KIF16B: variants seen among roughly 807,000 people sequenced by gnomAD.
KIF16B encodes kinesin family member 16B.
A neutral mutation model predicts 156.3 loss-of-function variants in KIF16B; 98 were observed. That is an observed-to-expected ratio of 0.63 (90% confidence interval 0.53 to 0.74). KIF16B has a LOEUF of 0.74. KIF16B is among the 30% of genes least tolerant of loss of function. The pLI, the probability that KIF16B is intolerant of heterozygous loss-of-function variation, is 0.00. For synonymous variants in KIF16B, 564 were observed against 583.7 expected, an observed-to-expected ratio of 0.97 and a Z score of 0.49; for missense variants, 1,421 against 1,606.5, an observed-to-expected ratio of 0.88 and a Z score of 1.97.
Position 16,480,830 on chromosome 20 carries a change from C to T in KIF16B, c.1302+13461G>A, listed in dbSNP as rs900080219. 2.5e-4 allele frequency among the ~76,000 whole-genome samples: 38 copies of T among 152,154 alleles called. 1 individual carries two copies. The highest frequency in any genetic ancestry group is 3.4e-3 in the Middle Eastern group (1 of 290). ...AATAGTTTTTTTTTAATTCTGTGAA[C>T]AAATAACTGCATTTAACAAAATGAA... On this transcript the variant is annotated intron_variant, in intron 12 of 25. Coordinates refer to ENST00000354981, the MANE Select transcript of KIF16B (RefSeq NM_024704.5).
chr20:16,294,544 C>T (rs1221644098), intron 25 of KIF16B, among the ~76,000 whole-genome samples: 1 of 152,182 alleles, frequency 6.6e-6, no homozygotes, highest in Non-Finnish European at 1.5e-5. Context: ...GCCCACTTAT[C>T]CACAGACTTT....
intron 24 of KIF16B, among the ~76,000 whole-genome samples, chr20:16,320,064 T>C (rs1048206694): frequency 2.6e-5 from 4 of 152,128 alleles, no homozygotes; most frequent in African/African-American, 9.7e-5. Context: ...GGGGCTGCTG[T>C]GTAACAGGGA....
chr20:16,437,579 T>C (rs2066676390), intron 12 of KIF16B, among the ~76,000 whole-genome samples: 1 of 150,682 alleles, frequency 6.6e-6, no homozygotes, highest in African/African-American at 2.4e-5. Context: ...CAGTTTCGGT[T>C]GATGGACATT....
At chr20:16,296,301 G>T (rs183931890) in intron 25 of KIF16B, among the ~76,000 whole-genome samples, 6 of 152,092 alleles carry the variant, frequency 3.9e-5, no homozygotes, top group Admixed American at 3.9e-4. Context: ...CTTCAGAGGC[G>T]ATGAGACATT....
At chr20:16,497,861 T>C (rs1440841228) in intron 10 of KIF16B, among the ~76,000 whole-genome samples, 183 bp from the exon 11 acceptor site, 2 of 152,174 alleles carry the variant, frequency 1.3e-5, no homozygotes, top group East Asian at 3.9e-4. Flanking sequence ...ACATCTCTCA[T>C]AATATTCAAA....
intron 11 of KIF16B, among the ~76,000 whole-genome samples, chr20:16,496,394 G>A (rs925825104): frequency 3.9e-5 from 6 of 152,180 alleles, no homozygotes; most frequent in Non-Finnish European, 8.8e-5. Context: ...GCATGCCTTG[G>A]ATTTATTTTA....
intron 22 of KIF16B, among the ~76,000 whole-genome samples, chr20:16,363,209 ACT>A (rs1321713458): frequency 6.6e-6 from 1 of 152,146 alleles, no homozygotes; most frequent in Non-Finnish European, 1.5e-5. Flanking sequence ...GGATGAACAG[ACT>A]CTGCAGATGG....
At chr20:16,502,732 A>G (rs1351460074) in intron 10 of KIF16B, among the ~76,000 whole-genome samples, 2 of 152,198 alleles carry the variant, frequency 1.3e-5, no homozygotes, top group Admixed American at 1.3e-4. Context: ...ATTCCTTCCA[A>G]TGATGTCCTC....
At chr20:16,286,961 C>A (rs888730050) in intron 25 of KIF16B, among the ~76,000 whole-genome samples, 1 of 152,340 alleles carries the variant, frequency 6.6e-6, no homozygotes. Context: ...GAGTCATGAT[C>A]AAAATGCAGG....
At chr20:16,326,869 C>A (rs1319666018) in intron 24 of KIF16B, among the ~76,000 whole-genome samples, 2 of 151,788 alleles carry the variant, frequency 1.3e-5, no homozygotes, top group African/African-American at 4.8e-5. Flanking sequence ...AAGACACTTG[C>A]ACACACATGT....
intron 22 of KIF16B, among the ~76,000 whole-genome samples, chr20:16,362,453 T>C (rs1226319160): frequency 6.6e-6 from 1 of 152,166 alleles, no homozygotes; most frequent in Non-Finnish European, 1.5e-5. Context: ...CAACAACTCA[T>C]ACAGACAGAA....
chr20:16,463,406 G>A (rs542589019), intron 12 of KIF16B, among the ~76,000 whole-genome samples: 1 of 152,126 alleles, frequency 6.6e-6, no homozygotes, highest in Non-Finnish European at 1.5e-5. Context: ...AAGTATCCTA[G>A]CATTAGAAAA....
intron 23 of KIF16B, among the ~76,000 whole-genome samples, chr20:16,349,145 C>G (rs568358284): frequency 9.8e-5 from 15 of 152,304 alleles, no homozygotes; most frequent in African/African-American, 3.6e-4. Flanking sequence ...GGCCCCTCGT[C>G]TAAAACTTCA....
At chr20:16,440,359 A>G (rs2066758602) in intron 12 of KIF16B, among the ~76,000 whole-genome samples, 1 of 152,170 alleles carries the variant, frequency 6.6e-6, no homozygotes, top group South Asian at 2.1e-4. Flanking sequence ...TAGTTCTAAT[A>G]AACTATCATC....
chr20:16,375,391 T>C (rs1244534568), intron 19 of KIF16B, among the ~76,000 whole-genome samples: 1 of 152,192 alleles, frequency 6.6e-6, no homozygotes, highest in Non-Finnish European at 1.5e-5. Context: ...CCCTCTGGTG[T>C]CACCAGCAGC....
chr20:16,320,297 T>C (rs1274928813), intron 24 of KIF16B, among the ~76,000 whole-genome samples: 1 of 152,108 alleles, frequency 6.6e-6, no homozygotes, highest in African/African-American at 2.4e-5. Context: ...ATATATAGTG[T>C]CTAGCTTTCA....
chr20:16,298,452 A>G (rs140644805), intron 25 of KIF16B, among the ~76,000 whole-genome samples: 85 of 152,318 alleles, frequency 5.6e-4, no homozygotes, highest in African/African-American at 2.0e-3. Flanking sequence ...GGAAGGATGT[A>G]TGTGTCCAGG....
chr20:16,406,490 G>C (rs2065790593), intron 15 of KIF16B, 34 bp from the exon 16 acceptor site: 1 of 1,585,042 alleles, frequency 6.3e-7, no homozygotes, highest in Non-Finnish European at 8.7e-7. Context: ...TGAATTTACA[G>C]TAAGCAGTCT....
chr20:16,421,690 T>A (rs959952843), intron 15 of KIF16B, among the ~76,000 whole-genome samples: 1 of 152,178 alleles, frequency 6.6e-6, no homozygotes, highest in African/African-American at 2.4e-5. Flanking sequence ...TACAATGCAT[T>A]GAAACAAAGT....
Sources: gnomAD v4.1 joint callset for allele counts (sites outside exome capture counted in the v4.1 genomes callset) on GRCh38, gnomAD v4.1.1 for gene constraint, MANE v1.5 for transcripts, NCBI Gene and HGNC (gene_info 2026-07-23, HGNC 2026-07-21) for gene names.